Variants in SERBP1 observed in about 807,000 individuals in gnomAD.
The protein encoded by SERBP1 is SERPINE1 mRNA binding protein 1.
SERBP1 carries 6 observed loss-of-function variants against 50.2 expected under a neutral mutation model. The ratio of observed to expected loss-of-function variants is 0.12; its 90% confidence interval spans 0.07 to 0.24. The LOEUF (loss-of-function observed/expected upper bound fraction) is 0.24, where lower values mean the gene tolerates loss of function less well. SERBP1 is among the 10% of genes least tolerant of loss of function. SERBP1 has a pLI of 1.00. For missense variants in SERBP1, 346 were observed against 524.9 expected, an observed-to-expected ratio of 0.66 and a Z score of 3.33; for synonymous variants, 168 against 182.8, an observed-to-expected ratio of 0.92 and a Z score of 0.65.
chr1:67,419,288 A>C (rs902441925), intron 6 of SERBP1, among the ~76,000 whole-genome samples: 7 of 152,254 alleles, frequency 4.6e-5, no homozygotes, highest in Non-Finnish European at 1.0e-4. Context: ...CGCAACATAC[A>C]AAATGTGTTA....
At position 67,411,647 on chromosome 1, in the gene SERBP1, TATAAC is replaced by T. The variant is rs778206671; in HGVS notation, c.*1555_*1559del. 3.4e-4 allele frequency: 52 copies of T among 152,320 alleles called. No individual in the cohort carries two copies. Among genetic ancestry groups the T allele is most frequent in the Middle Eastern group, 3.4e-3 (1 of 294 alleles). 9.4% of individuals were successfully genotyped at this position (152,320 alleles called of 1,614,324 possible). On this transcript the variant is annotated 3_prime_UTR_variant, in exon 8 of 8. Transcript: ENST00000361219. ...TAAATCTTATCCAAAAAGTAACTCT[TATAAC>T]ATAAAAGTTTCTTTTAGAAGTATAT...
chr1:67,418,164 G>A lies in SERBP1; in HGVS notation c.951+1845C>T, dbSNP rs530488394. ...CTAATTTTGTATCTTTAGTAGAGACGGGGTTTCTCCATGTTGGTCAGACTG... is the reference window on the plus strand; with the variant it reads ...CTAATTTTGTATCTTTAGTAGAGACAGGGTTTCTCCATGTTGGTCAGACTG... On this transcript the variant is annotated intron_variant, in intron 6 of 7. Transcript: ENST00000361219. Among the ~76,000 whole-genome samples the A allele has an allele frequency of 1.1e-4, 17 of 151,060 alleles. No individual in the cohort carries two copies. In the South Asian group the frequency reaches 1.7e-3, roughly 15 times the overall value.
intron 5 of SERBP1, 120 bp downstream of exon 5, chr1:67,424,080 T>A: frequency 1.0e-6 from 1 of 970,738 alleles, no homozygotes; most frequent in Non-Finnish European, 1.5e-6. Context: ...GTACAGTAAG[T>A]CTCCCTTGTC....
intron 4 of SERBP1, 36 bp downstream of exon 4, chr1:67,424,852 T>TA: frequency 6.6e-7 from 1 of 1,510,420 alleles, no homozygotes; most frequent in South Asian, 1.1e-5. Context: ...AACCTCTAGT[T>TA]AGGTATAGAA....
chr1:67,421,088 T>C (rs368874456), intron 5 of SERBP1, among the ~76,000 whole-genome samples: 3 of 152,078 alleles, frequency 2.0e-5, no homozygotes, highest in African/African-American at 7.2e-5. Context: ...CTTTACTGTT[T>C]GACAAATGCT....
intron 7 of SERBP1, among the ~76,000 whole-genome samples, chr1:67,414,046 T>C (rs1320685287): frequency 6.6e-6 from 1 of 152,128 alleles, no homozygotes; most frequent in Admixed American, 6.5e-5. Flanking sequence ...CACCCAGACC[T>C]CCCAAAGTAC....
At position 67,430,363 on chromosome 1, in the gene SERBP1, CT is replaced by C. The variant is rs1667539856; in HGVS notation, c.-64del. 6.8e-7 allele frequency: 1 copy of C among 1,459,908 alleles called. No individual in the cohort carries two copies. The highest frequency in any genetic ancestry group is 1.4e-5 in the African/African-American group (1 of 69,754). The allele number at this position is 1,459,908 out of a possible 1,614,324, so 90.4% of individuals were successfully genotyped here. On this transcript the variant is annotated 5_prime_UTR_variant, in exon 1 of 8. Transcript: ENST00000361219. ...GCGGGCCGCGCCGAGCCAAGAGCGC[CT>C]GCTTCAGCTCTTCCCACAAGATGGC...
intron 1 of SERBP1, among the ~76,000 whole-genome samples, chr1:67,428,749 A>C (rs1667468908): frequency 6.6e-6 from 1 of 152,044 alleles, no homozygotes; most frequent in Non-Finnish European, 1.5e-5. Context: ...AAAAAAAAAA[A>C]AAACCCTCCT....
intron 5 of SERBP1, among the ~76,000 whole-genome samples, chr1:67,421,547 G>A (rs889888593): frequency 4.6e-5 from 7 of 152,146 alleles, no homozygotes; most frequent in Non-Finnish European, 1.0e-4. Flanking sequence ...CCTCAGTTTC[G>A]CTCCTGGGCA....
At position 67,411,686 on chromosome 1, in the gene SERBP1, C is replaced by T. The variant is rs1331966723; in HGVS notation, c.*1521G>A. The T allele has an allele frequency of 6.6e-6, 1 of 152,046 alleles. No homozygotes were observed. Among genetic ancestry groups the T allele is most frequent in the Non-Finnish European group, 1.5e-5 (1 of 68,002 alleles). 9.4% of individuals were successfully genotyped at this position (152,046 alleles called of 1,614,324 possible). On this transcript the variant is annotated 3_prime_UTR_variant, in exon 8 of 8. Coordinates refer to ENST00000361219, the MANE Select transcript of SERBP1 (RefSeq NM_001018069.2). ...TTCTTTTAGAAGTATATGTGAGAAC[C>T]AATCAGCTAAATAGAAATGTTTAAG...
At chr1:67,422,885 CA>C (rs1451402571) in intron 5 of SERBP1, among the ~76,000 whole-genome samples, 1 of 152,064 alleles carries the variant, frequency 6.6e-6, no homozygotes, top group Non-Finnish European at 1.5e-5. Context: ...CGTTTGAACC[CA>C]GGGGGCGGAG....
At position 67,411,186 on chromosome 1, in the gene SERBP1, C is replaced by T. The variant is rs1349138944; in HGVS notation, c.*2021G>A. On this transcript the variant is annotated 3_prime_UTR_variant, in exon 8 of 8. Coordinates refer to ENST00000361219, the MANE Select transcript of SERBP1 (RefSeq NM_001018069.2). ...CCATCAGATACAACTAATGCACCAA[C>T]TTTTTAAGTTCAGGCTATCTTGAAA... The T allele has an allele frequency of 2.6e-5, 4 of 152,128 alleles. No individual in the cohort carries two copies. Among genetic ancestry groups the T allele is most frequent in the African/African-American group, 7.2e-5 (3 of 41,442 alleles). The allele number at this position is 152,128 out of a possible 1,614,324, so 9.4% of individuals were successfully genotyped here. A position where few individuals can be genotyped will look rare whatever the true frequency, so the allele number is the denominator to read the frequency against.
chr1:67,417,437 G>A (rs562603575), intron 6 of SERBP1: 1 of 152,032 alleles, frequency 6.6e-6, no homozygotes, highest in Non-Finnish European at 1.5e-5. Context: ...ATATCTCTGG[G>A]TCCTGGAACG....
chr1:67,420,722 C>T (rs1667173020), intron 5 of SERBP1, among the ~76,000 whole-genome samples: 1 of 152,154 alleles, frequency 6.6e-6, no homozygotes, highest in South Asian at 2.1e-4. Flanking sequence ...AAAACAATAG[C>T]CGTGTTTCTA....
chr1:67,413,486 TA>T (rs1466271757), intron 7 of SERBP1, among the ~76,000 whole-genome samples: 9 of 152,018 alleles, frequency 5.9e-5, no homozygotes, highest in Admixed American at 3.9e-4. Flanking sequence ...CTGTCTGTAC[TA>T]AAAATATAAA....
intron 5 of SERBP1, among the ~76,000 whole-genome samples, chr1:67,422,445 G>C (rs1426301821): frequency 6.6e-6 from 1 of 151,594 alleles, no homozygotes; most frequent in Non-Finnish European, 1.5e-5. Context: ...TGGAGGCAGA[G>C]GTTGCAGTGA....
intron 6 of SERBP1, among the ~76,000 whole-genome samples, chr1:67,418,466 T>C (rs962914201): frequency 6.6e-6 from 1 of 152,158 alleles, no homozygotes; most frequent in Non-Finnish European, 1.5e-5. Context: ...TTTAAAAAAT[T>C]ATGCTTATTG....
At position 67,412,022 on chromosome 1, in the gene SERBP1, G is replaced by A. The variant is rs1666860723; in HGVS notation, c.*1185C>T. 1 of 152,572 alleles carries A rather than the reference G, an allele frequency of 6.6e-6. No homozygotes were observed. Among genetic ancestry groups the A allele is most frequent in the African/African-American group, 2.4e-5 (1 of 41,432 alleles). 9.5% of individuals were successfully genotyped at this position (152,572 alleles called of 1,614,324 possible). A position where few individuals can be genotyped will look rare whatever the true frequency, so the allele number is the denominator to read the frequency against. On this transcript the variant is annotated 3_prime_UTR_variant, in exon 8 of 8. Transcript: ENST00000361219. ...TTACAACCAAATAATAGCAATCTAG[G>A]AAATTTAGAAACAGTAAAGGTTTTT...
In SERBP1 at chr1:67,424,264, A is replaced by G. The variant is rs1177608546; in HGVS notation, c.709T>C (p.Ser237Pro). 1.2e-6 allele frequency: 2 copies of G among 1,612,222 alleles called. No individual in the cohort carries two copies. The highest frequency in any genetic ancestry group is 1.7e-5 in the Admixed American group (1 of 59,838). ...TCAGGTGTTTCCTCAGTCACATTTG[A>G]TTGATCCAAGTCACTGTAATTATAA... ...VKDELTDLDQ[S>P]NVTEETPEGE... The change falls in exon 5 of 8, where the codon TCA (serine) becomes CCA (proline). Residue 237 changes from serine to proline, a missense_variant. Transcript: ENST00000361219.
Sources: allele counts gnomAD v4.1 joint callset (sites outside exome capture counted in the v4.1 genomes callset), GRCh38; gene constraint gnomAD v4.1.1; transcripts MANE v1.5; gene names NCBI Gene and HGNC (gene_info 2026-07-23, HGNC 2026-07-21).